TTC23L: variants seen among roughly 807,000 people sequenced by gnomAD.
TTC23L encodes the protein tetratricopeptide repeat domain 23 like, also known as tetratricopeptide repeat protein 23-like.
TTC23L carries 42 observed loss-of-function variants against 48.1 expected under a neutral mutation model. That is an observed-to-expected ratio of 0.87 (90% CI 0.68 to 1.13). The LOEUF is 1.13. Ranked by LOEUF, TTC23L falls within the 50% of genes most tolerant of loss-of-function variation. TTC23L has a pLI of 0.00. For missense variants in TTC23L, 391 were observed against 421.0 expected, an observed-to-expected ratio of 0.93 and a Z score of 0.62; for synonymous variants, 159 against 157.2, an observed-to-expected ratio of 1.01 and a Z score of -0.09.
chr5:34,897,084 T>G (rs1417204512), intron 10 of TTC23L, among the ~76,000 whole-genome samples: 1 of 152,128 alleles, frequency 6.6e-6, no homozygotes, highest in Non-Finnish European at 1.5e-5. Flanking sequence ...TTCTCAGGAC[T>G]TTTAATATAC....
chr5:34,915,517 G>T, the TTC23L span: 4 of 488,910 alleles, frequency 8.2e-6, no homozygotes, highest in South Asian at 3.3e-5. Context: ...AGCCAGTCCC[G>T]CCACTCTTCA....
the TTC23L span, chr5:34,925,671 TTCA>T: frequency 5.4e-6 from 3 of 556,612 alleles, no homozygotes; most frequent in African/African-American, 5.8e-5. Flanking sequence ...ATCACCAGAA[TTCA>T]TCAGTTAATT....
intron 2 of TTC23L, among the ~76,000 whole-genome samples, chr5:34,841,047 A>G (rs1758623724): frequency 6.6e-6 from 1 of 151,844 alleles, no homozygotes; most frequent in Non-Finnish European, 1.5e-5. Context: ...GTCTCAAAAA[A>G]AAATAAAATA....
chr5:34,881,294 A>G (rs1762208961), intron 9 of TTC23L, among the ~76,000 whole-genome samples: 1 of 152,180 alleles, frequency 6.6e-6, no homozygotes, highest in South Asian at 2.1e-4. Flanking sequence ...TATTAGCCAC[A>G]ATCTTGTTTT....
At chr5:34,913,981 C>A in the TTC23L span, 8 of 456,828 alleles carry the variant, frequency 1.8e-5, no homozygotes, top group Non-Finnish European at 4.4e-6. Flanking sequence ...CAGCCTCGGT[C>A]TCCTGAGCAG....
intron 4 of TTC23L, among the ~76,000 whole-genome samples, chr5:34,858,152 GC>G (rs1760276386): frequency 6.6e-6 from 1 of 152,170 alleles, no homozygotes; most frequent in Non-Finnish European, 1.5e-5. Flanking sequence ...AGGCCTTGCT[GC>G]CCCTCTGCCT....
the TTC23L span, chr5:34,908,220 C>CT: frequency 7.1e-6 from 1 of 139,874 alleles, no homozygotes. Flanking sequence ...ATTGCCTAGG[C>CT]TGGAGTGCAA....
intron 2 of TTC23L, among the ~76,000 whole-genome samples, chr5:34,841,273 T>A (rs192160280): frequency 1.2e-3 from 176 of 152,278 alleles, no homozygotes; most frequent in African/African-American, 4.1e-3. Context: ...TTTTATGAAA[T>A]AGAGTAAATA....
chr5:34,887,333 T>C (rs956680408), intron 9 of TTC23L, among the ~76,000 whole-genome samples: 1 of 152,046 alleles, frequency 6.6e-6, no homozygotes, highest in African/African-American at 2.4e-5. Context: ...GAGAAAACTT[T>C]GAAATGAAAA....
chr5:34,866,755 G>A (rs1312281553), intron 6 of TTC23L, 137 bp from the exon 7 acceptor site: 1 of 719,758 alleles, frequency 1.4e-6, no homozygotes, highest in African/African-American at 1.8e-5. Context: ...TTTACAGCAA[G>A]GCTAGATTTT....
At chr5:34,903,196 G>C (rs1763552774), downstream of TTC23L, among the ~76,000 whole-genome samples, 1 of 152,074 alleles carries the variant, frequency 6.6e-6, no homozygotes, top group African/African-American at 2.4e-5. Flanking sequence ...GGTTGCCATT[G>C]TCTGAGGTTT....
rs369323874 is a variant in TTC23L at position 34,842,593 on chromosome 5, G to C, written c.68+1854G>C. ...TTAGGCAAAAGAGATGGTGAGAAGG[G>C]GGGTGGAAGAAGGGGTCAGCTGCTT... On this transcript the variant is annotated intron_variant, in intron 2 of 10. Coordinates refer to ENST00000505624, the Ensembl canonical transcript of TTC23L. 6.6e-5 allele frequency among the ~76,000 whole-genome samples: 10 copies of C among 152,102 alleles called. 1 individual carries two copies. The East Asian group carries it at 1.7e-3, about 26-fold the overall frequency.
At chr5:34,911,506 A>C in the TTC23L span, 1,136 of 1,573,148 alleles carry the variant, frequency 7.2e-4, 1 homozygote, top group Non-Finnish European at 9.3e-4. Context: ...CTAAGTGGGA[A>C]GATGGAGTAC....
At chr5:34,908,812 C>G in the TTC23L span, 2 of 1,611,632 alleles carry the variant, frequency 1.2e-6, no homozygotes, top group South Asian at 2.2e-5. Context: ...CAGTAATATT[C>G]CACAAAACAT....
chr5:34,859,388 G>C (rs1426685786), intron 4 of TTC23L, among the ~76,000 whole-genome samples: 1 of 152,130 alleles, frequency 6.6e-6, no homozygotes, highest in African/African-American at 2.4e-5. Flanking sequence ...CTCCAGACCT[G>C]TGAAGACTCC....
chr5:34,879,620 G>C (rs923049277), intron 8 of TTC23L, among the ~76,000 whole-genome samples: 1 of 152,118 alleles, frequency 6.6e-6, no homozygotes, highest in Admixed American at 6.5e-5. Flanking sequence ...AGATTATTCA[G>C]ACAGAAGCTT....
chr5:34,856,015 T>TAAG (rs1235469223), intron 4 of TTC23L, among the ~76,000 whole-genome samples: 1 of 152,108 alleles, frequency 6.6e-6, no homozygotes, highest in Non-Finnish European at 1.5e-5. Flanking sequence ...CAGAGACCAT[T>TAAG]AAGAAGGAGT....
the TTC23L span, chr5:34,918,189 A>C: frequency 2.4e-6 from 1 of 421,434 alleles, no homozygotes; most frequent in Non-Finnish European, 4.3e-6. Flanking sequence ...ACATGCCTGT[A>C]GTCTCCAGCT....
At chr5:34,846,244 CT>C (rs1449327818) in intron 3 of TTC23L, among the ~76,000 whole-genome samples, 2 of 151,588 alleles carry the variant, frequency 1.3e-5, no homozygotes, top group African/African-American at 2.4e-5. Flanking sequence ...GTTTTTGTTG[CT>C]GTTACCTTTA....
Sources: gnomAD v4.1 joint callset for allele counts (sites outside exome capture counted in the v4.1 genomes callset) on GRCh38, gnomAD v4.1.1 for gene constraint, MANE v1.5 for transcripts, NCBI Gene and HGNC (gene_info 2026-07-23, HGNC 2026-07-21) for gene names.